ZFP1: variants seen among roughly 807,000 people sequenced by gnomAD.
ZFP1 encodes ZFP1 zinc finger protein, also known as zinc finger protein 1 homolog.
Under a neutral mutation model 38.5 loss-of-function variants are expected in ZFP1, and 32 were observed. That is an observed-to-expected ratio of 0.83 (90% confidence interval 0.63 to 1.12). ZFP1 has a LOEUF of 1.12. ZFP1 is among the 50% of genes most tolerant of loss of function. The pLI is 0.00. For synonymous variants in ZFP1, 245 were observed against 168.8 expected (o/e 1.45, Z -3.50); for missense variants, 616 against 480.8 (o/e 1.28, Z -2.63).
chr16:75,119,946 G>A, the ZFP1 span, among the ~76,000 whole-genome samples: 1 of 152,170 alleles, frequency 6.6e-6, no homozygotes, highest in Admixed American at 6.5e-5. Context: ...ACTACTAAGT[G>A]GCTTTAGTTA....
chr16:75,147,230 TACA>T (rs756995750), upstream of ZFP1, among the ~76,000 whole-genome samples: 4 of 152,134 alleles, frequency 2.6e-5, no homozygotes, highest in Non-Finnish European at 4.4e-5. Flanking sequence ...CCATAGAATG[TACA>T]ACATCAAGTG....
upstream of ZFP1, among the ~76,000 whole-genome samples, chr16:75,148,278 G>C (rs920840798): frequency 1.1e-4 from 17 of 152,224 alleles, no homozygotes; most frequent in Admixed American, 1.0e-3. Context: ...GGGGGAGGTG[G>C]TGAATTGTAG....
chr16:75,123,762 G>A, the ZFP1 span, among the ~76,000 whole-genome samples: 1 of 149,658 alleles, frequency 6.7e-6, no homozygotes, highest in Admixed American at 6.7e-5. Flanking sequence ...ACAGGTGTGA[G>A]CCACCACACA....
intron 2 of ZFP1, among the ~76,000 whole-genome samples, chr16:75,162,227 A>G (rs560947883): frequency 7.2e-5 from 11 of 152,030 alleles, no homozygotes; most frequent in South Asian, 2.1e-4. Flanking sequence ...GGCTCAAGCA[A>G]TCCTCCCACC....
At chr16:75,134,020 G>A in the ZFP1 span, among the ~76,000 whole-genome samples, 24 of 152,214 alleles carry the variant, frequency 1.6e-4, no homozygotes, top group Non-Finnish European at 3.2e-4. Context: ...CTGCACTCCA[G>A]CCTGGGCGAT....
the ZFP1 span, among the ~76,000 whole-genome samples, chr16:75,136,906 T>G: frequency 6.6e-6 from 1 of 152,048 alleles, no homozygotes; most frequent in Non-Finnish European, 1.5e-5. Flanking sequence ...AGGACCCTGT[T>G]TGTAGATATA....
chr16:75,140,475 C>G, the ZFP1 span, among the ~76,000 whole-genome samples: 1 of 152,194 alleles, frequency 6.6e-6, no homozygotes, highest in African/African-American at 2.4e-5. Flanking sequence ...TAGCAATGAA[C>G]ACCATCTGAC....
chr16:75,136,389 T>C, the ZFP1 span, among the ~76,000 whole-genome samples: 10 of 152,184 alleles, frequency 6.6e-5, no homozygotes, highest in African/African-American at 2.4e-4. Flanking sequence ...GCTATACATG[T>C]ATACTGGAAC....
intron 2 of ZFP1, among the ~76,000 whole-genome samples, chr16:75,161,612 C>G (rs1036096197): frequency 4.0e-5 from 6 of 150,486 alleles, no homozygotes; most frequent in Non-Finnish European, 1.5e-5. Flanking sequence ...TACTTGTAAC[C>G]TATTCTCTCC....
intron 1 of ZFP1, 95 bp from the exon 2 acceptor site, chr16:75,152,814 A>T (rs1171145340): frequency 8.7e-7 from 1 of 1,148,038 alleles, no homozygotes; most frequent in East Asian, 2.4e-5. Flanking sequence ...GTATTTTCCC[A>T]GGTGGTCTCT....
chr16:75,127,343 G>T, the ZFP1 span, among the ~76,000 whole-genome samples: 1 of 152,120 alleles, frequency 6.6e-6, no homozygotes, highest in South Asian at 2.1e-4. Context: ...TCTGCCTCCT[G>T]GGCTCAAGTG....
chr16:75,122,637 T>C, the ZFP1 span, among the ~76,000 whole-genome samples: 2 of 152,264 alleles, frequency 1.3e-5, no homozygotes, highest in African/African-American at 4.8e-5. Context: ...ATTGGTTTAA[T>C]AAAAATAGCT....
chr16:75,127,148 A>C, the ZFP1 span, among the ~76,000 whole-genome samples: 1 of 152,218 alleles, frequency 6.6e-6, no homozygotes, highest in African/African-American at 2.4e-5. Context: ...ATTCACGGAT[A>C]ATCGTCTTGT....
At chr16:75,148,914 G>C (rs957788100) in intron 1 of ZFP1, 3 of 152,082 alleles carry the variant, frequency 2.0e-5, no homozygotes, top group African/African-American at 4.8e-5. Context: ...ATGCGCCTCA[G>C]ACGGGCGGCG....
chr16:75,124,067 C>T, the ZFP1 span, among the ~76,000 whole-genome samples: 1 of 151,802 alleles, frequency 6.6e-6, no homozygotes, highest in Non-Finnish European at 1.5e-5. Flanking sequence ...GCACTCCAGC[C>T]TGGGTGACAA....
the ZFP1 span, among the ~76,000 whole-genome samples, chr16:75,123,333 G>A: frequency 4.0e-5 from 6 of 149,766 alleles, no homozygotes; most frequent in Admixed American, 1.3e-4. Flanking sequence ...CAGCCTGGGC[G>A]ACACAGAGAC....
At chr16:75,141,225 C>CG in the ZFP1 span, among the ~76,000 whole-genome samples, 2 of 91,148 alleles carry the variant, frequency 2.2e-5, no homozygotes, top group South Asian at 7.9e-4. Flanking sequence ...TTTTTTGAGA[C>CG]GGAGTCTCGC....
the ZFP1 span, among the ~76,000 whole-genome samples, chr16:75,133,695 T>C: frequency 3.9e-5 from 6 of 152,222 alleles, no homozygotes. Context: ...CAGATTCCGC[T>C]TTCTTTGGCA....
intron 1 of ZFP1, among the ~76,000 whole-genome samples, chr16:75,150,344 G>C (rs1174977383): frequency 6.7e-6 from 1 of 149,638 alleles, no homozygotes; most frequent in Non-Finnish European, 1.5e-5. Context: ...GAGTAGCTGG[G>C]ACTACAGGCG....
Sources: allele counts gnomAD v4.1 joint callset (sites outside exome capture counted in the v4.1 genomes callset), GRCh38; gene constraint gnomAD v4.1.1; transcripts MANE v1.5; gene names NCBI Gene and HGNC (gene_info 2026-07-23, HGNC 2026-07-21).